The following OTOA variants were observed in gnomAD, a reference collection of about 807,000 sequenced individuals.
OTOA encodes otoancorin.
Under a neutral mutation model 110.8 loss-of-function variants are expected in OTOA, and 70 were observed. The ratio of observed to expected loss-of-function variants is 0.63; its 90% confidence interval spans 0.52 to 0.77. The LOEUF (loss-of-function observed/expected upper bound fraction) is 0.77. Among genes scored for constraint, OTOA ranks in the 30% least tolerant of loss-of-function variants. OTOA has a pLI of 0.00. For synonymous variants in OTOA, 373 were observed against 431.5 expected, an observed-to-expected ratio of 0.86 and a Z score of 1.68; for missense variants, 917 against 1,075.8, an observed-to-expected ratio of 0.85 and a Z score of 2.06.
intron 11 of OTOA, among the ~76,000 whole-genome samples, chr16:21,704,640 G>A (rs367995785): frequency 3.9e-5 from 6 of 152,190 alleles, no homozygotes; most frequent in South Asian, 4.1e-4. Context: ...AGCTCTCAGC[G>A]CTCTGTTATG....
At chr16:21,714,293 T>TTC (rs1898453952) in intron 13 of OTOA, among the ~76,000 whole-genome samples, 2 of 61,880 alleles carry the variant, frequency 3.2e-5, no homozygotes, top group African/African-American at 6.0e-5. Flanking sequence ...CTTTCTTTCT[T>TTC]TTCCTTTCTT....
intron 21 of OTOA, among the ~76,000 whole-genome samples, chr16:21,733,040 C>G (rs377621800): frequency 1.9e-3 from 155 of 79,610 alleles, no homozygotes; most frequent in African/African-American, 6.8e-3. Context: ...AAGCAAGTCT[C>G]CCTCCCACCC....
At chr16:21,695,866 GATATATAT>G (rs71151648) in intron 9 of OTOA, among the ~76,000 whole-genome samples, 3 of 72,726 alleles carry the variant, frequency 4.1e-5, no homozygotes, top group East Asian at 5.0e-4. Flanking sequence ...CTAGACTTGA[GATATATAT>G]ATATATATAT....
chr16:21,672,754 T>G (rs562002965), intron 1 of OTOA, among the ~76,000 whole-genome samples: 29 of 152,362 alleles, frequency 1.9e-4, no homozygotes, highest in African/African-American at 6.7e-4. Context: ...CATTTCTCAT[T>G]TCTTTCTGTT....
intron 10 of OTOA, among the ~76,000 whole-genome samples, chr16:21,699,720 A>C (rs933335233): frequency 6.6e-6 from 1 of 152,066 alleles, no homozygotes; most frequent in Non-Finnish European, 1.5e-5. Context: ...GGTGTTCAAG[A>C]CCAGCCTGGC....
At chr16:21,701,494 T>A (rs1258331604) in intron 11 of OTOA, among the ~76,000 whole-genome samples, 1 of 152,062 alleles carries the variant, frequency 6.6e-6, no homozygotes, top group African/African-American at 2.4e-5. Flanking sequence ...TGTAATGTGA[T>A]CCTCCCTAAA....
At chr16:21,677,479 CTTTTTTTTTTT>C (rs778223383) in intron 1 of OTOA, among the ~76,000 whole-genome samples, 1 of 116,922 alleles carries the variant, frequency 8.6e-6, no homozygotes. Context: ...AGCTTCATAT[CTTTTTTTTTTT>C]TTTTTTTTTG....
chr16:21,716,872 T>C, intron 14 of OTOA, 35 bp from the exon 15 acceptor site: 3 of 1,613,116 alleles, frequency 1.9e-6, no homozygotes, highest in Non-Finnish European at 1.7e-6. Context: ...ATGCATTTTT[T>C]ACAATGTTGT....
At chr16:21,684,646 G>T in intron 6 of OTOA, 1 of 1,011,076 alleles carries the variant, frequency 9.9e-7, no homozygotes, top group Non-Finnish European at 1.5e-6. Flanking sequence ...GCCTAAAAGG[G>T]GATGTGCGCC....
intron 13 of OTOA, among the ~76,000 whole-genome samples, chr16:21,714,329 C>CT (rs1473248890): frequency 6.5e-4 from 84 of 128,788 alleles, no homozygotes; most frequent in Admixed American, 2.3e-3. Context: ...TCCTTCCTTC[C>CT]TTCCTTTCTT....
intron 19 of OTOA, among the ~76,000 whole-genome samples, chr16:21,728,004 A>G (rs1457756360): frequency 6.6e-6 from 1 of 151,746 alleles, no homozygotes; most frequent in Non-Finnish European, 1.5e-5. Flanking sequence ...AGCTGGGACT[A>G]CAGGCATGTG....
chr16:21,683,617 G>T (rs1477923276), intron 6 of OTOA, among the ~76,000 whole-genome samples: 3 of 151,962 alleles, frequency 2.0e-5, no homozygotes, highest in Non-Finnish European at 2.9e-5. Context: ...GAGGCAGGAG[G>T]ATTGCTTGAG....
chr16:21,687,919 C>A (rs1206312716), intron 8 of OTOA, among the ~76,000 whole-genome samples: 1 of 152,034 alleles, frequency 6.6e-6, no homozygotes, highest in East Asian at 1.9e-4. Flanking sequence ...CTGCCTTGGC[C>A]TCCCAAAGTG....
intron 9 of OTOA, among the ~76,000 whole-genome samples, chr16:21,692,160 C>T (rs1231215083): frequency 2.6e-5 from 4 of 152,074 alleles, no homozygotes; most frequent in Admixed American, 2.6e-4. Context: ...AACCACATCT[C>T]TACTAAAAAT....
intron 13 of OTOA, 34 bp from the exon 14 acceptor site, chr16:21,714,951 G>T: frequency 6.2e-7 from 1 of 1,613,384 alleles, no homozygotes; most frequent in Non-Finnish European, 8.5e-7. Flanking sequence ...AAAGGCGGGA[G>T]CAGAGCCTGA....
At position 21,680,514 on chromosome 16, in the gene OTOA, A is replaced by AAAAC. The variant is rs146969285; in HGVS notation, c.180-1204_180-1201dup. 1.6e-3 allele frequency among the ~76,000 whole-genome samples: 227 copies of AAAAC among 145,056 alleles called. 1 individual carries two copies. Among genetic ancestry groups the AAAAC allele is most frequent in the Non-Finnish European group, 2.2e-3 (141 of 65,486 alleles). On this transcript the variant is annotated intron_variant, in intron 5 of 28. Coordinates refer to ENST00000646100, the MANE Select transcript of OTOA (RefSeq NM_144672.4). ...GGGCAACAGAGTGAGACTCCATCGC[A>AAAAC]AAACAAACAAACAAACAAACAAAGA...
intron 1 of OTOA, among the ~76,000 whole-genome samples, chr16:21,677,979 C>T (rs1338265240): frequency 6.6e-6 from 1 of 152,014 alleles, no homozygotes; most frequent in African/African-American, 2.4e-5. Flanking sequence ...CTCTACCTCA[C>T]AGATTCAGGC....
chr16:21,703,730 C>T (rs1010699540), intron 11 of OTOA, among the ~76,000 whole-genome samples: 6 of 152,168 alleles, frequency 3.9e-5, no homozygotes, highest in Admixed American at 2.0e-4. Flanking sequence ...ATGTCAATAT[C>T]GCTCTGAGAG....
chr16:21,730,605 G>C (rs1899083917), intron 20 of OTOA: 2 of 473,918 alleles, frequency 4.2e-6, no homozygotes, highest in East Asian at 8.9e-5. Flanking sequence ...CCTACTGCCA[G>C]AGATACCAGA....
Sources: allele counts gnomAD v4.1 joint callset (sites outside exome capture counted in the v4.1 genomes callset), GRCh38; gene constraint gnomAD v4.1.1; transcripts MANE v1.5; gene names NCBI Gene and HGNC (gene_info 2026-07-23, HGNC 2026-07-21).